MAPDA: variants seen among roughly 807,000 people sequenced by gnomAD.
MAPDA encodes N6-Methyl-AMP deaminase, also known as N6,N6-dimethyl-AMP deaminase.
the MAPDA span, among the ~76,000 whole-genome samples, chr15:43,333,916 C>T: frequency 6.4e-4 from 97 of 152,314 alleles, no homozygotes; most frequent in African/African-American, 2.2e-3. Context: ...AAACCACTTT[C>T]AGAAGTGAAG....
the MAPDA span, chr15:43,351,957 G>C: frequency 6.5e-7 from 1 of 1,545,578 alleles, no homozygotes; most frequent in Admixed American, 2.0e-5. Context: ...CTATAATGAG[G>C]TGAACTACTT....
chr15:43,351,333 CAAAA>C, the MAPDA span: 2 of 233,358 alleles, frequency 8.6e-6, no homozygotes, highest in Non-Finnish European at 1.6e-5. Flanking sequence ...TCTCACAAAG[CAAAA>C]AAAAAAAGGG....
chr15:43,330,351 G>A, the MAPDA span: 3 of 1,603,674 alleles, frequency 1.9e-6, no homozygotes, highest in Non-Finnish European at 2.5e-6. Flanking sequence ...GGTGCGCGGC[G>A]CGCCGCGCCC....
At chr15:43,337,465 A>G in the MAPDA span, among the ~76,000 whole-genome samples, 1 of 152,158 alleles carries the variant, frequency 6.6e-6, no homozygotes, top group Non-Finnish European at 1.5e-5. Flanking sequence ...GAGGGCACAA[A>G]GGATACCACT....
the MAPDA span, among the ~76,000 whole-genome samples, chr15:43,331,193 A>G: frequency 6.6e-6 from 1 of 152,312 alleles, no homozygotes; most frequent in African/African-American, 2.4e-5. Flanking sequence ...ACGGTGAATA[A>G]ACCACTCAGC....
chr15:43,335,720 T>A, the MAPDA span: 4 of 1,612,538 alleles, frequency 2.5e-6, no homozygotes, highest in Non-Finnish European at 3.4e-6. Context: ...CTTGAATGGA[T>A]CCATTAGTTC....
At chr15:43,349,490 G>GCT in the MAPDA span, 1 of 365,464 alleles carries the variant, frequency 2.7e-6, no homozygotes, top group Non-Finnish European at 3.8e-6. Flanking sequence ...TGTTGTCATT[G>GCT]CTGTCGATAG....
At chr15:43,347,562 T>A in the MAPDA span, among the ~76,000 whole-genome samples, 1 of 152,318 alleles carries the variant, frequency 6.6e-6, no homozygotes, top group Middle Eastern at 3.4e-3. Context: ...ACTGTTAGCA[T>A]GAACGTAGTA....
the MAPDA span, among the ~76,000 whole-genome samples, chr15:43,338,161 C>T: frequency 1.9e-4 from 29 of 152,286 alleles, no homozygotes; most frequent in Non-Finnish European, 3.5e-4. Context: ...AGTTGAAAAG[C>T]TTTATTAAAT....
chr15:43,330,387 C>T, the MAPDA span: 31 of 1,584,932 alleles, frequency 2.0e-5, no homozygotes, highest in Non-Finnish European at 2.6e-5. Context: ...GCAAAGGGGT[C>T]CTGCACGTAC....
chr15:43,351,892 T>G, the MAPDA span: 2 of 1,551,690 alleles, frequency 1.3e-6, no homozygotes, highest in Non-Finnish European at 1.7e-6. Flanking sequence ...CAGCACCAGA[T>G]CTGAACTGAG....
the MAPDA span, among the ~76,000 whole-genome samples, chr15:43,338,741 C>A: frequency 6.6e-6 from 1 of 152,224 alleles, no homozygotes; most frequent in Non-Finnish European, 1.5e-5. Flanking sequence ...ACAGAAAGGG[C>A]TAAATCTGGC....
chr15:43,335,352 A>G, the MAPDA span, among the ~76,000 whole-genome samples: 1 of 152,172 alleles, frequency 6.6e-6, no homozygotes, highest in African/African-American at 2.4e-5. Context: ...ACTGGCCAAC[A>G]TGGCAAAACC....
At chr15:43,347,848 C>A in the MAPDA span, among the ~76,000 whole-genome samples, 3 of 152,090 alleles carry the variant, frequency 2.0e-5, no homozygotes, top group African/African-American at 7.2e-5. Flanking sequence ...GTACTTGTAT[C>A]TTTCATGTCT....
At chr15:43,341,276 T>C in the MAPDA span, among the ~76,000 whole-genome samples, 2 of 152,292 alleles carry the variant, frequency 1.3e-5, no homozygotes, top group South Asian at 2.1e-4. Context: ...TTTTGAACCA[T>C]AGAATCAGTT....
chr15:43,332,726 A>G, the MAPDA span, among the ~76,000 whole-genome samples: 1 of 152,206 alleles, frequency 6.6e-6, no homozygotes, highest in Non-Finnish European at 1.5e-5. Context: ...CATAATAAAC[A>G]GTAACAAATT....
At chr15:43,332,826 C>T in the MAPDA span, among the ~76,000 whole-genome samples, 1 of 152,240 alleles carries the variant, frequency 6.6e-6, no homozygotes, top group East Asian at 1.9e-4. Context: ...TGGCCCTGCT[C>T]TAATATTGAT....
At chr15:43,351,425 A>C in the MAPDA span, 1 of 335,650 alleles carries the variant, frequency 3.0e-6, no homozygotes, top group Non-Finnish European at 5.4e-6. Flanking sequence ...AGAGGACTTA[A>C]AAACAAACAA....
At chr15:43,352,830 G>A in the MAPDA span, 1 of 152,222 alleles carries the variant, frequency 6.6e-6, no homozygotes, top group African/African-American at 2.4e-5. Context: ...CTGAGATCTG[G>A]TTTTGCCCTC....
Sources: allele counts gnomAD v4.1 joint callset (sites outside exome capture counted in the v4.1 genomes callset), GRCh38; gene constraint gnomAD v4.1.1; transcripts MANE v1.5; gene names NCBI Gene and HGNC (gene_info 2026-07-23, HGNC 2026-07-21).